Variants in TLDC2 observed in about 807,000 individuals in gnomAD.
TLDC2 encodes the protein TLD domain-containing protein 2.
Under a neutral mutation model 27.9 loss-of-function variants are expected in TLDC2, and 23 were observed. The ratio of observed to expected loss-of-function variants is 0.82; its 90% CI spans 0.59 to 1.17. TLDC2 has a LOEUF of 1.17. TLDC2 is among the 50% of genes most tolerant of loss of function. TLDC2 has a pLI of 0.00. For missense variants in TLDC2, 286 were observed against 273.4 expected, an observed-to-expected ratio of 1.05 and a Z score of -0.32; for synonymous variants, 124 against 107.4, an observed-to-expected ratio of 1.16 and a Z score of -0.96.
chr20:36,889,239 T>G lies in TLDC2; in HGVS notation c.513-12T>G. 1.2e-6 allele frequency: 2 copies of G among 1,613,942 alleles called. No homozygotes were observed. The highest frequency in any genetic ancestry group is 1.7e-6 in the Non-Finnish European group (2 of 1,179,890). On this transcript the variant is annotated splice_polypyrimidine_tract_variant and intron_variant, in intron 5 of 6. Transcript: ENST00000217320. ...GGAGTGAGCCGCACCAAGACTGTCCTCTTCTCTCTAGTGGCCGGTTTGGGC... is the reference window on the plus strand; with the variant it reads ...GGAGTGAGCCGCACCAAGACTGTCCGCTTCTCTCTAGTGGCCGGTTTGGGC...
chr20:36,893,783 C>G lies in TLDC2; in HGVS notation c.*939C>G, dbSNP rs1272225980. On this transcript the variant is annotated 3_prime_UTR_variant, in exon 7 of 7. Transcript: ENST00000217320. ...TGCTGGTGGGAGGATTCGTGCTCCT[C>G]ATCTGCTTATTTGCTCTCAGATCCA... 5.0e-6 allele frequency: 2 copies of G among 397,482 alleles called. No homozygotes were observed. Among genetic ancestry groups the G allele is most frequent in the Non-Finnish European group, 8.9e-6 (2 of 225,668 alleles). 24.6% of individuals were successfully genotyped at this position (397,482 alleles called of 1,614,324 possible).
In TLDC2 at chr20:36,879,178, G is replaced by A; in HGVS notation, c.327G>A (p.Arg109=). The A allele has an allele frequency of 6.2e-7, 1 of 1,613,250 alleles. No individual in the cohort carries two copies. The highest frequency in any genetic ancestry group is 1.1e-5 in the South Asian group (1 of 91,072). ...GCGGGCCAGTGCTGCTGGTGCTCAG[G>A]GACCAGGACGGGCAGGTGAGCTGGG... ...GCSGPVLLVL[R]DQDGQIFGAF... Residue 109 remains arginine (R), a synonymous_variant, in exon 3 of 7, where the codon AGG becomes AGA. Coordinates refer to ENST00000217320, the MANE Select transcript of TLDC2 (RefSeq NM_080628.3).
chr20:36,884,579 T>A (rs910435002), intron 4 of TLDC2, among the ~76,000 whole-genome samples: 9 of 151,852 alleles, frequency 5.9e-5, no homozygotes, highest in African/African-American at 2.2e-4. Flanking sequence ...CACAACATAG[T>A]GACGTCTCAT....
Position 36,877,917 on chromosome 20 carries a change from AC to A in TLDC2, c.55del (p.Leu19CysfsTer31). 3 of 1,613,464 alleles carry A rather than the reference AC, an allele frequency of 1.9e-6. No homozygotes were observed. The highest frequency in any genetic ancestry group is 2.5e-6 in the Non-Finnish European group (3 of 1,179,800). On this transcript the variant is annotated frameshift_variant, in exon 2 of 7. Transcript: ENST00000217320. LOFTEE classifies it high-confidence loss of function. ...TTTGCAGCCCAGCCAGGTGGAGGAC[AC>A]CCTGTCTGGGGAGGAGGGTAACGAA... is the stretch of plus-strand genomic sequence containing the variant. Reference protein sequence around the residue: ...YTRLPSQVEDTLSGEEGNEEE... With the variant: ...YTRLPSQVEDXLSGEEGNEEE...
At chr20:36,882,018 G>T (rs1989826562) in intron 4 of TLDC2, among the ~76,000 whole-genome samples, 1 of 152,298 alleles carries the variant, frequency 6.6e-6, no homozygotes, top group Non-Finnish European at 1.5e-5. Context: ...AGAGAGCTGT[G>T]AAGGGTGGTG....
At chr20:36,890,152 AG>A (rs1990025570) in intron 6 of TLDC2, 2 of 152,352 alleles carry the variant, frequency 1.3e-5, no homozygotes, top group Non-Finnish European at 1.5e-5. Context: ...AAGGTATGAA[AG>A]GAGTAAATGA....
chr20:36,889,701 A>G (rs944729875), intron 6 of TLDC2: 6 of 229,736 alleles, frequency 2.6e-5, no homozygotes, highest in Admixed American at 5.7e-5. Context: ...CTCCTGGCAA[A>G]GGGAAGATTT....
intron 4 of TLDC2, among the ~76,000 whole-genome samples, chr20:36,885,486 G>A (rs1480119485): frequency 2.6e-5 from 4 of 152,158 alleles, no homozygotes; most frequent in Non-Finnish European, 5.9e-5. Context: ...ACGGCACCAT[G>A]AACTTGGTCT....
At chr20:36,887,588 G>A in intron 5 of TLDC2, 60 bp downstream of exon 5, 1 of 1,506,994 alleles carries the variant, frequency 6.6e-7, no homozygotes, top group Non-Finnish European at 9.2e-7. Flanking sequence ...CTTTCCCTCT[G>A]CCGAACTGCT....
intron 6 of TLDC2, chr20:36,891,685 G>C (rs1601106898): frequency 6.6e-6 from 1 of 152,530 alleles, no homozygotes; most frequent in East Asian, 1.9e-4. Context: ...AGGCAGTGCA[G>C]TGTTTGTGCT....
intron 2 of TLDC2, among the ~76,000 whole-genome samples, chr20:36,878,315 T>C (rs1013028698): frequency 3.9e-4 from 59 of 152,258 alleles, no homozygotes; most frequent in Non-Finnish European, 2.9e-5. Context: ...GCGCGGTGGC[T>C]CACGCCTGTA....
chr20:36,893,231 G>T lies in TLDC2; in HGVS notation c.*387G>T. 1.3e-6 allele frequency: 1 copy of T among 797,128 alleles called. No individual in the cohort carries two copies. The highest frequency in any genetic ancestry group is 1.6e-5 in the South Asian group (1 of 61,218). 49.4% of individuals were successfully genotyped at this position (797,128 alleles called of 1,614,324 possible). On this transcript the variant is annotated 3_prime_UTR_variant, in exon 7 of 7. Coordinates refer to ENST00000217320, the MANE Select transcript of TLDC2 (RefSeq NM_080628.3). Reference sequence around the variant, plus strand: ...AAATTACATATGCCCTGTGCTTGGGGCAAATTAGAAACACTACAGTCTTAC... The same window carrying T: ...AAATTACATATGCCCTGTGCTTGGGTCAAATTAGAAACACTACAGTCTTAC...
At chr20:36,886,809 G>A (rs1989931524) in intron 4 of TLDC2, among the ~76,000 whole-genome samples, 1 of 152,102 alleles carries the variant, frequency 6.6e-6, no homozygotes, top group Non-Finnish European at 1.5e-5. Context: ...CCAGTCCCAG[G>A]CTGCACTTCT....
At chr20:36,892,598 A>C (rs1990103179) in intron 6 of TLDC2, 1 of 332,304 alleles carries the variant, frequency 3.0e-6, no homozygotes, top group Non-Finnish European at 5.7e-6. Context: ...TTCGAGTCCA[A>C]GCTGGGCAAC....
At chr20:36,883,069 C>T (rs1989848500) in intron 4 of TLDC2, among the ~76,000 whole-genome samples, 1 of 152,088 alleles carries the variant, frequency 6.6e-6, no homozygotes, top group Non-Finnish European at 1.5e-5. Flanking sequence ...GGGTCTCTTC[C>T]CTGGACTCCA....
At position 36,878,109 on chromosome 20, in the gene TLDC2, C is replaced by T. The variant is rs1371120075; in HGVS notation, c.189+55C>T. 3.9e-6 allele frequency: 6 copies of T among 1,558,336 alleles called. No individual in the cohort carries two copies. The African/African-American group carries it at 8.2e-5, about 21-fold the overall frequency. On this transcript the variant is annotated intron_variant, in intron 2 of 6. Transcript: ENST00000217320. ...TCAGCCCTAAACCTAAGAGTCTCAC[C>T]CTCCTGCCCTACACCAGCCACGCCC... is the stretch of plus-strand genomic sequence containing the variant.
chr20:36,892,943 C>T lies in TLDC2; in HGVS notation c.*99C>T, dbSNP rs550047744. ...CTGACTACAGACATTCACATTGGGTCATCTTTAAAAAGCTGGACTCTGCTT... is the reference window on the plus strand; with the variant it reads ...CTGACTACAGACATTCACATTGGGTTATCTTTAAAAAGCTGGACTCTGCTT... On this transcript the variant is annotated 3_prime_UTR_variant, in exon 7 of 7. Transcript: ENST00000217320. 1 of 1,613,722 alleles carries T rather than the reference C, an allele frequency of 6.2e-7. No homozygotes were observed. Among genetic ancestry groups the T allele is most frequent in the African/African-American group, 1.3e-5 (1 of 74,882 alleles).
Position 36,893,091 on chromosome 20 carries a change from GGC to G in TLDC2, c.*248_*249del. On this transcript the variant is annotated 3_prime_UTR_variant, in exon 7 of 7. Transcript: ENST00000217320. ...CCTATTAGGAAGAGAGAGAAAAACA[GGC>G]AATAGAGAAAAGCCAGTTTCCATCA... is the stretch of plus-strand genomic sequence containing the variant. 6.2e-7 allele frequency: 1 copy of G among 1,610,512 alleles called. No homozygotes were observed. Among genetic ancestry groups the G allele is most frequent in the Non-Finnish European group, 8.5e-7 (1 of 1,179,958 alleles).
chr20:36,880,509 T>C, intron 3 of TLDC2, 146 bp from the exon 4 acceptor site: 1 of 627,212 alleles, frequency 1.6e-6, no homozygotes, highest in South Asian at 1.9e-5. Flanking sequence ...TTCCTGCTCT[T>C]GGGTGTGGAG....
Sources: allele counts gnomAD v4.1 joint callset (sites outside exome capture counted in the v4.1 genomes callset), GRCh38; gene constraint gnomAD v4.1.1; transcripts MANE v1.5; gene names NCBI Gene and HGNC (gene_info 2026-07-23, HGNC 2026-07-21).